The following ANO10 variants were observed in gnomAD, a reference collection of about 807,000 sequenced individuals.
The protein encoded by ANO10 is anoctamin 10.
ANO10 carries 77 observed loss-of-function variants against 74.7 expected under a neutral mutation model. The observed-to-expected ratio is 1.03, with a 90% confidence interval of 0.86 to 1.25. ANO10 has a LOEUF of 1.25. Among genes scored for constraint, ANO10 ranks in the 50% most tolerant of loss-of-function variants. The pLI, the probability that ANO10 is intolerant of heterozygous loss-of-function variation, is 0.00. For missense variants in ANO10, 721 were observed against 778.1 expected (o/e 0.93, Z 0.87); for synonymous variants, 279 against 284.9 (o/e 0.98, Z 0.21).
At chr3:43,600,694 T>C (rs2082303459) in intron 2 of ANO10, 113 bp from the exon 3 acceptor site, 2 of 906,936 alleles carry the variant, frequency 2.2e-6, no homozygotes. Context: ...GAAATTATAT[T>C]AGCAATTTAA....
intron 11 of ANO10, among the ~76,000 whole-genome samples, chr3:43,526,184 A>G (rs959053281): frequency 5.3e-5 from 8 of 152,216 alleles, no homozygotes; most frequent in Non-Finnish European, 2.9e-5. Flanking sequence ...CTGTAAAATT[A>G]CCTTTCCCAT....
intron 5 of ANO10, among the ~76,000 whole-genome samples, 196 bp from the exon 6 acceptor site, chr3:43,577,457 C>T (rs185007596): frequency 2.0e-5 from 3 of 152,178 alleles, no homozygotes; most frequent in African/African-American, 7.2e-5. Context: ...AACATTTCCC[C>T]CAGGTTAGGG....
At chr3:43,563,398 A>G (rs1005053529) in intron 8 of ANO10, among the ~76,000 whole-genome samples, 1 of 149,838 alleles carries the variant, frequency 6.7e-6, no homozygotes, top group African/African-American at 2.4e-5. Flanking sequence ...CAGACATTAT[A>G]TAAAAGAGTA....
At chr3:43,410,678 T>C (rs1192174985) in intron 12 of ANO10, among the ~76,000 whole-genome samples, 2 of 152,134 alleles carry the variant, frequency 1.3e-5, no homozygotes, top group Non-Finnish European at 2.9e-5. Flanking sequence ...CACACGGATA[T>C]ACCTTTTCAA....
At chr3:43,441,361 G>T (rs1022698679) in intron 11 of ANO10, among the ~76,000 whole-genome samples, 3 of 151,868 alleles carry the variant, frequency 2.0e-5, no homozygotes, top group Non-Finnish European at 4.4e-5. Flanking sequence ...CGATGCCACA[G>T]AAATAAAATA....
chr3:43,523,534 C>T (rs933800992), intron 11 of ANO10, among the ~76,000 whole-genome samples: 3 of 151,978 alleles, frequency 2.0e-5, no homozygotes, highest in African/African-American at 7.3e-5. Flanking sequence ...GAGGGCTTAC[C>T]CTAAGGCTAC....
At chr3:43,584,485 G>A (rs958205597) in intron 4 of ANO10, among the ~76,000 whole-genome samples, 1 of 152,212 alleles carries the variant, frequency 6.6e-6, no homozygotes, top group Non-Finnish European at 1.5e-5. Flanking sequence ...GTGTATGGGA[G>A]CCACCGGACT....
chr3:43,523,270 T>G lies in ANO10; in HGVS notation c.1797+26450A>C, dbSNP rs1011428406. Among the ~76,000 whole-genome samples, 27 of 152,098 alleles carry G rather than the reference T, an allele frequency of 1.8e-4. 1 individual carries two copies. Among genetic ancestry groups the G allele is most frequent in the Admixed American group, 7.2e-4 (11 of 15,264 alleles). Reference sequence around the variant, plus strand: ...GAGGAGTCACATGAGCTGAGTATTATTAAAGTGGAGAGAGGAGAGCAGCGG... The same window carrying G: ...GAGGAGTCACATGAGCTGAGTATTAGTAAAGTGGAGAGAGGAGAGCAGCGG... On this transcript the variant is annotated intron_variant, in intron 11 of 12. Transcript: ENST00000292246.
chr3:43,367,273 G>C (rs1046935878), intron 12 of ANO10, among the ~76,000 whole-genome samples: 2 of 152,192 alleles, frequency 1.3e-5, no homozygotes, highest in Non-Finnish European at 2.9e-5. Context: ...GGGAATAGGC[G>C]GACAGGGCCT....
At chr3:43,641,643 T>C (rs1364420829) in intron 1 of ANO10, among the ~76,000 whole-genome samples, 2 of 152,232 alleles carry the variant, frequency 1.3e-5, no homozygotes, top group African/African-American at 4.8e-5. Flanking sequence ...ATATATTCTA[T>C]TGAAAATGTC....
At chr3:43,682,394 T>C (rs1575591899) in intron 1 of ANO10, among the ~76,000 whole-genome samples, 1 of 152,172 alleles carries the variant, frequency 6.6e-6, no homozygotes. Flanking sequence ...AAGTTGAATC[T>C]CTGAATAGAC....
chr3:43,532,167 C>A (rs1310986103), intron 11 of ANO10, among the ~76,000 whole-genome samples: 5 of 152,100 alleles, frequency 3.3e-5, no homozygotes. Flanking sequence ...GATAAAGGTC[C>A]CATAGTCAAA....
intron 11 of ANO10, among the ~76,000 whole-genome samples, chr3:43,441,005 A>C (rs574387419): frequency 2.4e-4 from 36 of 152,242 alleles, no homozygotes; most frequent in African/African-American, 8.4e-4. Flanking sequence ...AATGAAAACA[A>C]AACCACAACA....
chr3:43,554,970 G>A (rs1216560160), intron 10 of ANO10, among the ~76,000 whole-genome samples: 1 of 152,126 alleles, frequency 6.6e-6, no homozygotes, highest in East Asian at 1.9e-4. Context: ...TAGCAGAGAG[G>A]GTCTCATTAA....
intron 11 of ANO10, among the ~76,000 whole-genome samples, chr3:43,533,058 A>T (rs968358970): frequency 1.3e-5 from 2 of 152,174 alleles, no homozygotes; most frequent in African/African-American, 4.8e-5. Context: ...AGAGCCCAAG[A>T]CTTCATCAAA....
chr3:43,461,088 C>T lies in ANO10; in HGVS notation c.1798-28361G>A, dbSNP rs193196899. Among the ~76,000 whole-genome samples, 1,418 of 150,760 alleles carry T rather than the reference C, an allele frequency of 9.4e-3. 18 individuals are homozygous for T. Among genetic ancestry groups the T allele is most frequent in the African/African-American group, 0.03 (1,248 of 41,128 alleles). On this transcript the variant is annotated intron_variant, in intron 11 of 12. Transcript: ENST00000292246. The stretch of plus-strand genomic sequence containing the variant: ...ATAGAAGAAAATCAATAAGAACAAA[C>T]GTTTTTTAAAAAGATCAGTAAACTA...
At chr3:43,388,393 C>T (rs779711363) in intron 12 of ANO10, among the ~76,000 whole-genome samples, 1 of 152,094 alleles carries the variant, frequency 6.6e-6, no homozygotes, top group Non-Finnish European at 1.5e-5. Context: ...CTATGAAGAG[C>T]GGCGCTCCCA....
chr3:43,396,072 A>ATTTTTTTTTT (rs147741860), intron 12 of ANO10, among the ~76,000 whole-genome samples: 2 of 145,548 alleles, frequency 1.4e-5, no homozygotes, highest in Non-Finnish European at 1.5e-5. Context: ...TAATTTATTT[A>ATTTTTTTTTT]TTTATTTTTT....
At position 43,598,566 on chromosome 3, in the gene ANO10, G is replaced by T. The variant is rs1454909746; in HGVS notation, c.438C>A (p.Tyr146Ter). The change falls in exon 4 of 13, where the codon TAC becomes TAA. Residue 146 changes from tyrosine to a stop codon, truncating the protein, a stop_gained. Coordinates refer to ENST00000292246, the MANE Select transcript of ANO10 (RefSeq NM_018075.5). LOFTEE classifies it high-confidence loss of function. ...TTCCTGGATACAACTTTGCCTGAGGGTAACCAGGGATCATTTTTTCATCTT... is the reference window on the plus strand; with the variant it reads ...TTCCTGGATACAACTTTGCCTGAGGTTAACCAGGGATCATTTTTTCATCTT... ...RAKDEKMIPGYPQAKLYPGKS... is the reference protein window; with the variant it reads ...RAKDEKMIPG 6.2e-7 allele frequency: 1 copy of T among 1,612,956 alleles called. No homozygotes were observed. Among genetic ancestry groups the T allele is most frequent in the Non-Finnish European group, 8.5e-7 (1 of 1,179,642 alleles).
Sources: allele counts gnomAD v4.1 joint callset (sites outside exome capture counted in the v4.1 genomes callset), GRCh38; gene constraint gnomAD v4.1.1; transcripts MANE v1.5; gene names NCBI Gene and HGNC (gene_info 2026-07-23, HGNC 2026-07-21).